Variants in FERMT1 observed in about 807,000 individuals in gnomAD.
The protein encoded by FERMT1 is FERM domain containing kindlin 1.
In FERMT1, 60 loss-of-function variants were observed where a neutral mutation model predicts 85.3. The observed-to-expected ratio is 0.70, with a 90% CI of 0.57 to 0.87. The LOEUF (loss-of-function observed/expected upper bound fraction) is 0.87, where lower values mean the gene tolerates loss of function less well. Among genes scored for constraint, FERMT1 ranks in the 40% least tolerant of loss-of-function variants. FERMT1 has a pLI of 0.00. For missense variants in FERMT1, 701 were observed against 818.9 expected (o/e 0.86, Z 1.76); for synonymous variants, 275 against 301.1 (o/e 0.91, Z 0.90).
chr20:6,077,002 G>T lies in FERMT1; in HGVS notation c.*171C>A. ...TCCGTGGCTGGTAGCACAGGGCAAA[G>T]TAAGGAAAGGGATGTGCCAGCAGTG... On this transcript the variant is annotated 3_prime_UTR_variant, in exon 15 of 15. Coordinates refer to ENST00000217289, the MANE Select transcript of FERMT1 (RefSeq NM_017671.5). 1.4e-6 allele frequency: 1 copy of T among 699,520 alleles called. No homozygotes were observed. The highest frequency in any genetic ancestry group is 2.5e-6 in the Non-Finnish European group (1 of 399,592). 43.3% of individuals were successfully genotyped at this position (699,520 alleles called of 1,614,324 possible).
chr20:6,117,453 A>G (rs1983133213), intron 2 of FERMT1, among the ~76,000 whole-genome samples: 1 of 116,430 alleles, frequency 8.6e-6, no homozygotes, highest in African/African-American at 3.4e-5. Context: ...TTTTTTTTTG[A>G]GATGGAGTCT....
At chr20:6,096,782 C>CTT (rs202086138) in intron 8 of FERMT1, 120 bp downstream of exon 8, 7,155 of 528,178 alleles carry the variant, frequency 0.014, 1 homozygote, top group South Asian at 0.026. Context: ...TGAAGAGCAT[C>CTT]TTTTTTTTTT....
chr20:6,094,913 C>A, intron 9 of FERMT1, 26 bp downstream of exon 9: 1 of 1,272,958 alleles, frequency 7.9e-7, no homozygotes, highest in South Asian at 1.2e-5. Context: ...ATGAGTAACT[C>A]CTTTTCCCCA....
chr20:6,078,248 G>A (rs530948364), intron 14 of FERMT1, among the ~76,000 whole-genome samples: 2 of 152,284 alleles, frequency 1.3e-5, no homozygotes, highest in East Asian at 1.9e-4. Flanking sequence ...ATCCTAATAC[G>A]CATCAAGGCT....
chr20:6,087,876 T>A lies in FERMT1; in HGVS notation c.1272A>T (p.Glu424Asp). 16 of 1,597,684 alleles carry A rather than the reference T, an allele frequency of 1.0e-5. No individual in the cohort carries two copies. Among genetic ancestry groups the A allele is most frequent in the Non-Finnish European group, 1.4e-5 (16 of 1,165,430 alleles). ...PLEKLNLRGC[E>D]VVPDVNVAGR... is the part of the protein sequence containing the mutation. ...CTGCTACATTTACATCGGGCACAAC[T>A]TCGCAGCCTGAAGGACAAAGATCAG... Residue 424 changes from glutamate (E) to aspartate (D), a missense_variant, in exon 11 of 15, where the codon GAA (glutamate) becomes GAT (aspartate). Physicochemically the swap from Glu to Asp is conservative, Grantham distance 45. Coordinates refer to ENST00000217289, the MANE Select transcript of FERMT1 (RefSeq NM_017671.5).
rs1372798358 is a variant in FERMT1, at chr20:6,119,499, T to C, written c.56A>G (p.Asp19Gly). 6.2e-7 allele frequency: 1 copy of C among 1,614,176 alleles called. No homozygotes were observed. The highest frequency in any genetic ancestry group is 2.2e-5 in the East Asian group (1 of 44,880). The change falls in exon 2 of 15, where the codon GAC (aspartate) becomes GGC (glycine). Residue 19 changes from aspartate (D) to glycine (G), a missense_variant. Coordinates refer to ENST00000217289, the MANE Select transcript of FERMT1 (RefSeq NM_017671.5). ...FASWELVVRV[D>G]HPNEEQQKDV... ...TTTCTGCTGCTCTTCATTGGGATGG[T>C]CAACGCGGACCACAAGCTCCCAGGA...
In FERMT1 at chr20:6,112,584, G is replaced by C; in HGVS notation, c.425C>G (p.Ser142Cys). 1.9e-6 allele frequency: 3 copies of C among 1,600,116 alleles called. No homozygotes were observed. The highest frequency in any genetic ancestry group is 8.5e-7 in the Non-Finnish European group (1 of 1,172,518). Reference sequence around the variant, plus strand: ...CTTCTTCTTCTTAAAATAGTCACCAGACGGCTTTAACAAGGAAAGCTCTTC... The same window carrying C: ...CTTCTTCTTCTTAAAATAGTCACCACACGGCTTTAACAAGGAAAGCTCTTC... ...RSEELSLLKPSGDYFKKKKKK... is the reference protein window; with the variant it reads ...RSEELSLLKPCGDYFKKKKKK... Residue 142 changes from serine (S) to cysteine (C), a missense_variant, in exon 4 of 15, where the codon TCT (serine) becomes TGT (cysteine). Ser to Cys is a moderately radical substitution (Grantham distance 112, BLOSUM62 -1). Coordinates refer to ENST00000217289, the MANE Select transcript of FERMT1 (RefSeq NM_017671.5).
Position 6,079,714 on chromosome 20 carries a change from C to CTGCAATAAAAA in FERMT1, c.1719-138_1719-137insTTTTTATTGCA. On this transcript the variant is annotated intron_variant, in intron 13 of 14. Transcript: ENST00000217289. Reference sequence around the variant, plus strand: ...GAATGGACAATGAAGAATTAACTTTCTGCAGGGGGGCATTTTTATTGGGAT... The same window carrying CTGCAATAAAAA: ...GAATGGACAATGAAGAATTAACTTTCTGCAATAAAAATGCAGGGGGGCATTTTTATTGGGAT... 1.3e-5 allele frequency: 11 copies of CTGCAATAAAAA among 859,390 alleles called. No homozygotes were observed. In the South Asian group the frequency reaches 1.8e-4, roughly 14 times the overall value. The allele number at this position is 859,390 out of a possible 1,614,324, so 53.2% of individuals were successfully genotyped here.
rs929243819 is a variant in FERMT1 at position 6,116,022 on chromosome 20, G to A, written c.174C>T (p.Asp58=). 2 of 1,613,896 alleles carry A rather than the reference G, an allele frequency of 1.2e-6. No homozygotes were observed. Residue 58 remains aspartate (D), a synonymous_variant, in exon 3 of 15, where the codon GAC becomes GAT. Coordinates refer to ENST00000217289, the MANE Select transcript of FERMT1 (RefSeq NM_017671.5). Reference sequence around the variant, plus strand: ...GCTTCTGTTCCCACCAAAGAGCAAAGTCTGACCAGTCTTGGGATATATCTG... The same window carrying A: ...GCTTCTGTTCCCACCAAAGAGCAAAATCTGACCAGTCTTGGGATATATCTG... ...EQINISQDWS[D]FALWWEQKHC... is the part of the protein sequence containing the mutation.
At chr20:6,094,488 C>G (rs756153675) in intron 9 of FERMT1, among the ~76,000 whole-genome samples, 4 of 152,118 alleles carry the variant, frequency 2.6e-5, no homozygotes, top group Non-Finnish European at 5.9e-5. Context: ...AAATTATAAG[C>G]CTTCAAATGG....
intron 2 of FERMT1, 70 bp downstream of exon 2, chr20:6,119,334 C>T (rs1339990226): frequency 1.4e-6 from 2 of 1,452,854 alleles, no homozygotes; most frequent in African/African-American, 1.4e-5. Flanking sequence ...AAAACCTACA[C>T]CAGCCATTAG....
chr20:6,092,708 C>T (rs1231797813), intron 9 of FERMT1, among the ~76,000 whole-genome samples: 1 of 152,208 alleles, frequency 6.6e-6, no homozygotes, highest in Non-Finnish European at 1.5e-5. Flanking sequence ...AGAAGGGCAG[C>T]CTTTGCTCAT....
intron 6 of FERMT1, 108 bp from the exon 7 acceptor site, chr20:6,097,739 T>G (rs1490710255): frequency 5.0e-6 from 4 of 801,790 alleles, no homozygotes; most frequent in Non-Finnish European, 8.8e-6. Flanking sequence ...TGCAGCAAAC[T>G]TCAGCTCAGG....
intron 9 of FERMT1, among the ~76,000 whole-genome samples, chr20:6,089,723 C>T (rs1290578165): frequency 1.3e-5 from 2 of 152,192 alleles, no homozygotes; most frequent in Non-Finnish European, 2.9e-5. Context: ...TCAATATAGA[C>T]TCTACTGTTA....
rs1048911466 is a variant in FERMT1, at chr20:6,075,035, T to C, written c.*2138A>G. The stretch of plus-strand genomic sequence containing the variant: ...ACCATCAAGTTGCTCTTTGGAACAG[T>C]AGCATTTAGGTTTGTTTTTTTTTTT... On this transcript the variant is annotated 3_prime_UTR_variant, in exon 15 of 15. Transcript: ENST00000217289. The C allele has an allele frequency of 3.3e-5, 5 of 149,770 alleles. No individual in the cohort carries two copies. The highest frequency in any genetic ancestry group is 4.9e-5 in the African/African-American group (2 of 40,682). The allele number at this position is 149,770 out of a possible 1,614,324, so 9.3% of individuals were successfully genotyped here. A position where few individuals can be genotyped will look rare whatever the true frequency, so the allele number is the denominator to read the frequency against.
At chr20:6,083,985 A>G in intron 13 of FERMT1, 55 bp downstream of exon 13, 1 of 1,611,110 alleles carries the variant, frequency 6.2e-7, no homozygotes, top group Non-Finnish European at 8.5e-7. Context: ...GGGCTCCCCA[A>G]AAGCCACTTA....
chr20:6,117,430 G>A (rs1182579159), intron 2 of FERMT1, among the ~76,000 whole-genome samples: 1 of 110,750 alleles, frequency 9.0e-6, no homozygotes, highest in Non-Finnish European at 1.8e-5. Context: ...CACCATGTCA[G>A]TCTAATTTTT....
intron 10 of FERMT1, 131 bp from the exon 11 acceptor site, chr20:6,088,014 C>A (rs1982233651): frequency 2.9e-6 from 2 of 697,722 alleles, no homozygotes; most frequent in Non-Finnish European, 5.3e-6. Context: ...AATGGAGGAG[C>A]AAGCTGATAA....
At position 6,097,314 on chromosome 20, in the gene FERMT1, C is replaced by T. The variant is rs113417090; in HGVS notation, c.957+210G>A. On this transcript the variant is annotated intron_variant, in intron 7 of 14. Coordinates refer to ENST00000217289, the MANE Select transcript of FERMT1 (RefSeq NM_017671.5). ...ACTAGTGTCTTACAGAGGATGTGAG[C>T]GTGTGTGGATTATGAGGAGCATTTT... 2.3e-3 allele frequency among the ~76,000 whole-genome samples: 343 copies of T among 152,106 alleles called. 1 individual carries two copies. The highest frequency in any genetic ancestry group is 8.1e-3 in the African/African-American group (335 of 41,484).
Sources: allele counts gnomAD v4.1 joint callset (sites outside exome capture counted in the v4.1 genomes callset), GRCh38; gene constraint gnomAD v4.1.1; transcripts MANE v1.5; gene names NCBI Gene and HGNC (gene_info 2026-07-23, HGNC 2026-07-21).